Variants in ZCCHC10 observed in about 807,000 individuals in gnomAD.
The protein encoded by ZCCHC10 is zinc finger CCHC-type containing 10, also known as zinc finger CCHC domain-containing protein 10.
ZCCHC10 carries 16 observed loss-of-function variants against 19.5 expected under a neutral mutation model. The ratio of observed to expected loss-of-function variants is 0.82; its 90% confidence interval spans 0.56 to 1.25. The LOEUF is 1.25. Among genes scored for constraint, ZCCHC10 ranks in the 50% most tolerant of loss-of-function variants. The pLI, the probability that ZCCHC10 is intolerant of heterozygous loss-of-function variation, is 0.00. For synonymous variants in ZCCHC10, 67 were observed against 72.5 expected, an observed-to-expected ratio of 0.92 and a Z score of 0.38; for missense variants, 197 against 201.0, an observed-to-expected ratio of 0.98 and a Z score of 0.12.
intron 2 of ZCCHC10, among the ~76,000 whole-genome samples, chr5:133,020,928 G>A (rs915954751): frequency 2.0e-5 from 3 of 147,704 alleles, no homozygotes; most frequent in Middle Eastern, 3.6e-3. Context: ...GACAAGTCTC[G>A]CTCTGTCGCC....
At chr5:133,026,333 CG>C (rs1764708983) in intron 1 of ZCCHC10, among the ~76,000 whole-genome samples, 163 bp downstream of exon 1, 1 of 152,244 alleles carries the variant, frequency 6.6e-6, no homozygotes, top group African/African-American at 2.4e-5. Flanking sequence ...CGCTAACCCC[CG>C]GTCACCAGAC....
intron 3 of ZCCHC10, among the ~76,000 whole-genome samples, chr5:133,002,017 C>T (rs1762810683): frequency 8.3e-6 from 1 of 120,428 alleles, no homozygotes; most frequent in South Asian, 2.6e-4. Flanking sequence ...GGCAGGAGTG[C>T]AGTGCTGGAT....
At chr5:133,020,845 C>T (rs1360872016) in intron 2 of ZCCHC10, among the ~76,000 whole-genome samples, 10 of 150,740 alleles carry the variant, frequency 6.6e-5, no homozygotes, top group Non-Finnish European at 1.0e-4. Context: ...CTCAGCCTCC[C>T]GAGTAGCTGG....
chr5:133,000,142 T>C lies in ZCCHC10; in HGVS notation c.301A>G (p.Lys101Glu). The change falls in exon 4 of 5, where the codon AAG (lysine) becomes GAG (glutamate). Residue 101 changes from lysine to glutamate, a missense_variant. By Grantham distance (56) the Lys-to-Glu change is moderately conservative. Transcript: ENST00000509437. ...IGETNVERKA[K>E]KKRSKSVTSS... ...TAAAACCACACATACCTTTTTTTCT[T>C]GGCCTTTCTTTCTACATTGGTTTCT... 1 of 1,614,008 alleles carries C rather than the reference T, an allele frequency of 6.2e-7. No individual in the cohort carries two copies. Among genetic ancestry groups the C allele is most frequent in the Non-Finnish European group, 8.5e-7 (1 of 1,179,982 alleles).
intron 2 of ZCCHC10, among the ~76,000 whole-genome samples, chr5:133,019,759 A>G (rs1440894266): frequency 6.6e-6 from 1 of 152,042 alleles, no homozygotes; most frequent in Non-Finnish European, 1.5e-5. Context: ...GTTCAAGACC[A>G]GCCTGGCCAA....
intron 3 of ZCCHC10, among the ~76,000 whole-genome samples, chr5:133,006,487 T>C (rs1297553643): frequency 6.6e-6 from 1 of 152,172 alleles, no homozygotes; most frequent in Non-Finnish European, 1.5e-5. Flanking sequence ...TGTATGACAA[T>C]GAGTAAGTTA....
chr5:133,009,077 G>A (rs1230946366), intron 2 of ZCCHC10, among the ~76,000 whole-genome samples: 3 of 151,710 alleles, frequency 2.0e-5, no homozygotes, highest in Admixed American at 6.6e-5. Context: ...GCACGATCTC[G>A]GCTCACCACA....
intron 3 of ZCCHC10, among the ~76,000 whole-genome samples, chr5:133,005,045 A>T (rs1015720497): frequency 1.3e-5 from 2 of 151,862 alleles, no homozygotes; most frequent in Admixed American, 6.6e-5. Context: ...CACGCCTGTA[A>T]TCCCAGCACT....
At chr5:133,023,314 G>A (rs1764449727) in intron 1 of ZCCHC10, among the ~76,000 whole-genome samples, 1 of 152,050 alleles carries the variant, frequency 6.6e-6, no homozygotes, top group Admixed American at 6.6e-5. Context: ...GTAGATGTAA[G>A]TACAGTTTAC....
At chr5:133,017,196 G>T (rs1233107001) in intron 2 of ZCCHC10, among the ~76,000 whole-genome samples, 4 of 152,078 alleles carry the variant, frequency 2.6e-5, no homozygotes, top group Admixed American at 2.6e-4. Context: ...GACATCACAA[G>T]CCAGTTCAAG....
intron 2 of ZCCHC10, among the ~76,000 whole-genome samples, chr5:133,021,309 G>A (rs754103701): frequency 4.6e-5 from 7 of 152,168 alleles, no homozygotes; most frequent in Non-Finnish European, 7.4e-5. Context: ...GATTACAGGC[G>A]TGAGCTACTG....
In ZCCHC10 at chr5:133,020,881, C is replaced by T. The variant is rs1410377651; in HGVS notation, c.107+1960G>A. Among the ~76,000 whole-genome samples, 22 of 151,088 alleles carry T rather than the reference C, an allele frequency of 1.5e-4. No homozygotes were observed. The East Asian group carries it at 1.9e-3, about 13-fold the overall frequency. On this transcript the variant is annotated intron_variant, in intron 2 of 4. Coordinates refer to ENST00000509437, the MANE Select transcript of ZCCHC10 (RefSeq NM_001300816.3). ...GACTACAAGCGCCCGCCACCATGCC[C>T]GGCTAATTTTTTGTATTTATTATTT...
At chr5:133,004,511 G>A (rs78908075) in intron 3 of ZCCHC10, among the ~76,000 whole-genome samples, 6,493 of 149,356 alleles carry the variant, frequency 0.043, 447 homozygotes, top group East Asian at 0.3. Context: ...TTTCTGAGAC[G>A]GAGTCTCGCT....
intron 2 of ZCCHC10, among the ~76,000 whole-genome samples, chr5:133,008,464 G>T (rs1763278400): frequency 6.6e-6 from 1 of 151,306 alleles, no homozygotes; most frequent in Non-Finnish European, 1.5e-5. Flanking sequence ...TTTGAACCTG[G>T]GAGGCGGAGG....
At chr5:133,022,598 G>A (rs1383989040) in intron 2 of ZCCHC10, among the ~76,000 whole-genome samples, 2 of 151,902 alleles carry the variant, frequency 1.3e-5, no homozygotes, top group Non-Finnish European at 2.9e-5. Flanking sequence ...GACTACAGGC[G>A]CATGCCACCA....
chr5:133,004,714 T>C (rs1462762438), intron 3 of ZCCHC10, among the ~76,000 whole-genome samples: 1 of 150,420 alleles, frequency 6.6e-6, no homozygotes, highest in African/African-American at 2.4e-5. Context: ...AAGATCTCCA[T>C]CTCCTGACCT....
At chr5:133,005,215 G>T (rs182835729) in intron 3 of ZCCHC10, among the ~76,000 whole-genome samples, 6 of 152,120 alleles carry the variant, frequency 3.9e-5, no homozygotes, top group Admixed American at 3.9e-4. Context: ...ACAATCACAT[G>T]AACCTGGGAA....
In ZCCHC10 at chr5:132,998,699, TGGA is replaced by T. The variant is rs1244355019; in HGVS notation, c.460_462del (p.Ser154del). 1 of 1,613,934 alleles carries T rather than the reference TGGA, an allele frequency of 6.2e-7. No individual in the cohort carries two copies. Among genetic ancestry groups the T allele is most frequent in the Non-Finnish European group, 8.5e-7 (1 of 1,180,010 alleles). ...GAATCAGAGGAGGAGGAAGAGGTTG[TGGA>T]GGAGGCTGAGGATGAGGAACTAGAG... On this transcript the variant is annotated inframe_deletion, in exon 5 of 5. Transcript: ENST00000509437.
At chr5:133,006,595 C>T (rs1017809570) in intron 3 of ZCCHC10, among the ~76,000 whole-genome samples, 164 bp downstream of exon 3, 8 of 141,204 alleles carry the variant, frequency 5.7e-5, no homozygotes, top group Non-Finnish European at 1.3e-4. Context: ...TAAGCTAATA[C>T]TTATAAAGAC....
Sources: gnomAD v4.1 joint callset for allele counts (sites outside exome capture counted in the v4.1 genomes callset) on GRCh38, gnomAD v4.1.1 for gene constraint, MANE v1.5 for transcripts, NCBI Gene and HGNC (gene_info 2026-07-23, HGNC 2026-07-21) for gene names.